PCDH7: variants seen among roughly 807,000 people sequenced by gnomAD.
The protein encoded by PCDH7 is protocadherin 7.
Under a neutral mutation model 58.9 loss-of-function variants are expected in PCDH7, and 17 were observed. The observed-to-expected ratio is 0.29, with a 90% CI of 0.20 to 0.43. PCDH7 has a LOEUF of 0.43. PCDH7 is among the 20% of genes least tolerant of loss of function. The pLI is 1.00. For missense variants in PCDH7, 1,274 were observed against 1,441.0 expected, an observed-to-expected ratio of 0.88 and a Z score of 1.88; for synonymous variants, 664 against 616.4, an observed-to-expected ratio of 1.08 and a Z score of -1.14.
rs1408083648 is a variant in PCDH7, at chr4:30,962,793, A to AC, written c.*7+12578_*7+12579insC. Among the ~76,000 whole-genome samples, 254 of 140,766 alleles carry AC rather than the reference A, an allele frequency of 1.8e-3. 14 individuals carry two copies. Among genetic ancestry groups the AC allele is most frequent in the South Asian group, 6.8e-3 (31 of 4,532 alleles). The allele number at this position is 140,766 out of a possible 152,430, so 92.3% of individuals were successfully genotyped here. A position where few individuals can be genotyped will look rare whatever the true frequency, so the allele number is the denominator to read the frequency against. On this transcript the variant is annotated intron_variant, in intron 3 of 3. Coordinates refer to the PCDH7 transcript ENST00000509759. ...CCCAGTCTTAAAAAAAAAAAAAAAA[A>AC]AAAAAAAAAAAACAGTGGTAATTCT...
intron 1 of PCDH7, among the ~76,000 whole-genome samples, chr4:30,878,955 A>G (rs1489378051): frequency 6.6e-6 from 1 of 152,162 alleles, no homozygotes; most frequent in Non-Finnish European, 1.5e-5. Context: ...GCAGCAACCT[A>G]GCTACCAGTC....
At chr4:31,067,116 A>C (rs556962339) in intron 3 of PCDH7, among the ~76,000 whole-genome samples, 21 of 151,952 alleles carry the variant, frequency 1.4e-4, no homozygotes, top group Non-Finnish European at 2.8e-4. Context: ...GGGGAGATCC[A>C]TGCTTTCCAA....
At chr4:30,737,536 A>G (rs1716474522), downstream of PCDH7, among the ~76,000 whole-genome samples, 1 of 150,966 alleles carries the variant, frequency 6.6e-6, no homozygotes, top group South Asian at 2.1e-4. Flanking sequence ...ATGTATACAT[A>G]TGTGTGTGTG....
intron 1 of PCDH7, among the ~76,000 whole-genome samples, chr4:30,766,387 A>G (rs1720753207): frequency 1.3e-5 from 2 of 152,198 alleles, no homozygotes; most frequent in South Asian, 2.1e-4. Context: ...TGAATAAGAC[A>G]TACAACCAAA....
chr4:30,912,314 T>C (rs113744159), intron 1 of PCDH7, among the ~76,000 whole-genome samples: 2,099 of 152,270 alleles, frequency 0.014, 44 homozygotes, highest in African/African-American at 0.048. Flanking sequence ...CTGACACTGG[T>C]TGAGACTGTT....
rs565928254 is a variant in PCDH7 at position 31,099,092 on chromosome 4, T to C, written c.*8-43381T>C. ...CATGTTGATGGTGAAGGCTTCAACA[T>C]AGGAATTTTGAGGTGACACAATTCA... On this transcript the variant is annotated intron_variant, in intron 3 of 3. Transcript: ENST00000509759. 8.3e-4 allele frequency among the ~76,000 whole-genome samples: 127 copies of C among 152,296 alleles called. No homozygotes were observed. In the South Asian group the frequency reaches 0.022, roughly 26 times the overall value.
chr4:31,117,100 C>G (rs1717090771), intron 3 of PCDH7, among the ~76,000 whole-genome samples: 1 of 152,154 alleles, frequency 6.6e-6, no homozygotes. Context: ...GTTGGTCAGG[C>G]TGAACTCCTG....
chr4:30,891,908 G>T (rs1171199700), intron 1 of PCDH7, among the ~76,000 whole-genome samples: 2 of 151,742 alleles, frequency 1.3e-5, no homozygotes, highest in Non-Finnish European at 2.9e-5. Flanking sequence ...TTTGGTAAGG[G>T]GATCGTGTTT....
chr4:30,855,420 G>T (rs1031288952), intron 1 of PCDH7, among the ~76,000 whole-genome samples: 1 of 152,140 alleles, frequency 6.6e-6, no homozygotes, highest in Non-Finnish European at 1.5e-5. Context: ...TGGTGTGATT[G>T]TGATTAACAA....
At chr4:30,894,120 T>A (rs1417229784) in intron 1 of PCDH7, among the ~76,000 whole-genome samples, 1 of 152,118 alleles carries the variant, frequency 6.6e-6, no homozygotes, top group Non-Finnish European at 1.5e-5. Flanking sequence ...TCTGTAGGAA[T>A]ATGAACCTTG....
intron 1 of PCDH7, among the ~76,000 whole-genome samples, chr4:30,798,039 A>C (rs1173945627): frequency 6.6e-6 from 1 of 152,218 alleles, no homozygotes; most frequent in Non-Finnish European, 1.5e-5. Flanking sequence ...AGTTGTTACC[A>C]AGATAAATGT....
intron 3 of PCDH7, among the ~76,000 whole-genome samples, chr4:31,032,669 AG>A (rs761609856): frequency 0.29 from 21,845 of 76,624 alleles, 2,697 homozygotes; most frequent in East Asian, 0.52. Flanking sequence ...GAAGGAAGGA[AG>A]GGAGGGAGGG....
chr4:30,996,748 T>C lies in PCDH7; in HGVS notation c.*7+46533T>C, dbSNP rs950739857. Reference sequence around the variant, plus strand: ...AATACTGAGGAATAACTAGGTTTAATTATAAGACAATTGATGAGAACAGTG... The same window carrying C: ...AATACTGAGGAATAACTAGGTTTAACTATAAGACAATTGATGAGAACAGTG... On this transcript the variant is annotated intron_variant, in intron 3 of 3. Coordinates refer to the PCDH7 transcript ENST00000509759. 3.3e-5 allele frequency among the ~76,000 whole-genome samples: 5 copies of C among 152,242 alleles called. No homozygotes were observed. The South Asian group carries it at 1.0e-3, about 32-fold the overall frequency.
At chr4:31,058,314 T>C (rs1757419383) in intron 3 of PCDH7, among the ~76,000 whole-genome samples, 2 of 152,112 alleles carry the variant, frequency 1.3e-5, no homozygotes, top group South Asian at 4.1e-4. Context: ...TTCTGTTTAA[T>C]AGAGTATGCA....
exon 4 of PCDH7, chr4:31,142,770 A>C (rs776695046): frequency 7.3e-7 from 1 of 1,367,438 alleles, no homozygotes; most frequent in Admixed American, 1.9e-5. Context: ...GCCAACCCTG[A>C]GGATATTCCC....
intron 1 of PCDH7, among the ~76,000 whole-genome samples, chr4:30,840,266 T>G (rs1424825428): frequency 6.6e-6 from 1 of 152,142 alleles, no homozygotes; most frequent in Non-Finnish European, 1.5e-5. Context: ...TTTGGTGCCT[T>G]GTCTCCCTGC....
chr4:30,982,229 C>T (rs1750632341), intron 3 of PCDH7, among the ~76,000 whole-genome samples: 1 of 152,096 alleles, frequency 6.6e-6, no homozygotes, highest in African/African-American at 2.4e-5. Context: ...GAGAGAATCA[C>T]ACAGGAGCAG....
rs144181717 is a variant in PCDH7, at chr4:30,817,516, G to T, written c.70+92920G>T. 3.3e-3 allele frequency among the ~76,000 whole-genome samples: 497 copies of T among 152,264 alleles called. 3 individuals carry two copies. The highest frequency in any genetic ancestry group is 0.011 in the African/African-American group (471 of 41,558). On this transcript the variant is annotated intron_variant, in intron 1 of 3. Transcript: ENST00000509759. ...TAAAAATGTCAATAAATAAGTAGGT[G>T]TGAAATATATACATAAGAATGAGAT...
chr4:31,106,402 G>A (rs909756800), intron 3 of PCDH7, among the ~76,000 whole-genome samples: 1 of 152,160 alleles, frequency 6.6e-6, no homozygotes, highest in Non-Finnish European at 1.5e-5. Flanking sequence ...TCTGTGGTAC[G>A]CTAGTCACCA....
Sources: allele counts gnomAD v4.1 joint callset (sites outside exome capture counted in the v4.1 genomes callset), GRCh38; gene constraint gnomAD v4.1.1; transcripts MANE v1.5; gene names NCBI Gene and HGNC (gene_info 2026-07-23, HGNC 2026-07-21).